SLC44A5: variants seen among roughly 807,000 people sequenced by gnomAD.
SLC44A5 encodes the protein choline transporter-like protein 5.
Under a neutral mutation model 101.8 loss-of-function variants are expected in SLC44A5, and 57 were observed. The observed-to-expected ratio is 0.56, with a 90% CI of 0.45 to 0.70. The LOEUF is 0.70. Ranked by LOEUF, SLC44A5 falls within the 30% of genes least tolerant of loss-of-function variation. The pLI is 0.00. For missense variants in SLC44A5, 737 were observed against 853.1 expected, an observed-to-expected ratio of 0.86 and a Z score of 1.70; for synonymous variants, 281 against 290.9, an observed-to-expected ratio of 0.97 and a Z score of 0.35.
intron 3 of SLC44A5, 36 bp from the exon 4 acceptor site, chr1:75,339,666 C>A: frequency 6.5e-7 from 1 of 1,548,422 alleles, no homozygotes; most frequent in South Asian, 1.2e-5. Context: ...AGCATATAAG[C>A]CAGCAAATAA....
At chr1:75,599,765 G>T (rs1421922156) in intron 1 of SLC44A5, among the ~76,000 whole-genome samples, 2 of 152,156 alleles carry the variant, frequency 1.3e-5, no homozygotes, top group African/African-American at 2.4e-5. Flanking sequence ...AAGCATAAAA[G>T]AATGTGTATG....
At chr1:75,207,746 T>C (rs1013576469) in intron 23 of SLC44A5, among the ~76,000 whole-genome samples, 1 of 152,226 alleles carries the variant, frequency 6.6e-6, no homozygotes, top group East Asian at 1.9e-4. Context: ...TCACTTTCTG[T>C]GGTTTTAGTT....
chr1:75,353,420 A>G (rs1399574137), intron 3 of SLC44A5, among the ~76,000 whole-genome samples: 1 of 152,126 alleles, frequency 6.6e-6, no homozygotes, highest in Admixed American at 6.6e-5. Context: ...CCCTACTCGA[A>G]TTTAAGAGAG....
At chr1:75,257,800 C>T (rs75918990) in intron 6 of SLC44A5, among the ~76,000 whole-genome samples, 8,749 of 152,114 alleles carry the variant, frequency 0.058, 293 homozygotes, top group Middle Eastern at 0.13. Context: ...CAGCTCCCAG[C>T]GAGAACTACT....
intron 1 of SLC44A5, among the ~76,000 whole-genome samples, chr1:75,545,775 T>C (rs1186076769): frequency 1.3e-5 from 2 of 152,158 alleles, no homozygotes; most frequent in South Asian, 4.1e-4. Context: ...CTTCTACCTT[T>C]ACTATTTCTT....
chr1:75,262,823 C>T (rs377563405), intron 6 of SLC44A5, among the ~76,000 whole-genome samples: 11 of 152,014 alleles, frequency 7.2e-5, no homozygotes, highest in East Asian at 1.9e-4. Flanking sequence ...TCAGAAATAA[C>T]GTCACATATC....
intron 2 of SLC44A5, among the ~76,000 whole-genome samples, chr1:75,530,197 A>G (rs1570538504): frequency 6.6e-6 from 1 of 152,276 alleles, no homozygotes; most frequent in East Asian, 1.9e-4. Context: ...TTATTAACAG[A>G]AAAGGGAAAA....
At chr1:75,251,392 G>A (rs747434186) in intron 6 of SLC44A5, 98 bp from the exon 7 acceptor site, 5 of 949,956 alleles carry the variant, frequency 5.3e-6, no homozygotes, top group Non-Finnish European at 6.3e-6. Context: ...TTAAAAATTG[G>A]TTTCATTATC....
chr1:75,388,304 A>G (rs1472052570), intron 3 of SLC44A5, among the ~76,000 whole-genome samples: 1 of 151,994 alleles, frequency 6.6e-6, no homozygotes, highest in African/African-American at 2.4e-5. Flanking sequence ...TATAAGAGAC[A>G]CTTAAAGGAG....
At chr1:75,691,071 C>G in the SLC44A5 span, among the ~76,000 whole-genome samples, 6 of 152,220 alleles carry the variant, frequency 3.9e-5, no homozygotes, top group Admixed American at 1.3e-4. Context: ...TGCACCCCCC[C>G]CTTTCTTGAG....
At chr1:75,481,283 C>T (rs987804384) in intron 2 of SLC44A5, among the ~76,000 whole-genome samples, 1 of 152,164 alleles carries the variant, frequency 6.6e-6, no homozygotes, top group East Asian at 1.9e-4. Context: ...AAATGTTAGA[C>T]CTAAAACCAT....
At chr1:75,618,003 T>A in the SLC44A5 span, among the ~76,000 whole-genome samples, 1 of 152,180 alleles carries the variant, frequency 6.6e-6, no homozygotes, top group Non-Finnish European at 1.5e-5. Context: ...GACGGTGAAA[T>A]GGGATTCGTG....
rs1553199991 is a variant in SLC44A5, at chr1:75,537,034, A to ATATATATATATG, written c.13+4400_13+4401insCATATATATATA. Among the ~76,000 whole-genome samples the ATATATATATATG allele has an allele frequency of 4.8e-3, 89 of 18,634 alleles. 2 individuals carry two copies. The highest frequency in any genetic ancestry group is 9.0e-3 in the African/African-American group (87 of 9,688). 12.2% of individuals were successfully genotyped at this position (18,634 alleles called of 152,430 possible). A position where few individuals can be genotyped will look rare whatever the true frequency, so the allele number is the denominator to read the frequency against. ...AAAAAAAAAAAAAAAAAAAAAAAAA[A>ATATATATATATG]TATATATCTATGCCAAATGATTCTG... On this transcript the variant is annotated intron_variant, in intron 2 of 23. Transcript: ENST00000370859.
chr1:75,469,780 G>C (rs1667005353), intron 2 of SLC44A5, among the ~76,000 whole-genome samples: 1 of 151,624 alleles, frequency 6.6e-6, no homozygotes. Context: ...TATGCCTGTA[G>C]TCCTAGCTAC....
At chr1:75,476,551 T>C (rs1248773983) in intron 2 of SLC44A5, among the ~76,000 whole-genome samples, 1 of 152,216 alleles carries the variant, frequency 6.6e-6, no homozygotes, top group Non-Finnish European at 1.5e-5. Context: ...CCCACCTGAA[T>C]ACTGCGCTTT....
In SLC44A5 at chr1:75,351,958, T is replaced by C. The variant is rs375504458; in HGVS notation, c.53-12328A>G. ...GAGAGGGATAACATTGAATTACTAA[T>C]ATCTAGAATATGTAAAAAATCCCCC... On this transcript the variant is annotated intron_variant, in intron 3 of 23. Transcript: ENST00000370859. 1.0e-3 allele frequency among the ~76,000 whole-genome samples: 154 copies of C among 150,766 alleles called. 3 individuals carry two copies. The South Asian group carries it at 0.032, about 31-fold the overall frequency.
intron 2 of SLC44A5, among the ~76,000 whole-genome samples, chr1:75,404,891 C>T (rs998035662): frequency 2.0e-5 from 3 of 152,208 alleles, no homozygotes; most frequent in African/African-American, 7.2e-5. Flanking sequence ...AATTTAAAGA[C>T]ACAGACTGGC....
At chr1:75,697,952 A>G in the SLC44A5 span, among the ~76,000 whole-genome samples, 1 of 152,212 alleles carries the variant, frequency 6.6e-6, no homozygotes, top group Non-Finnish European at 1.5e-5. Flanking sequence ...AACGGGCTTA[A>G]AAAACCATGC....
intron 1 of SLC44A5, among the ~76,000 whole-genome samples, chr1:75,551,927 C>T (rs1671958439): frequency 6.6e-6 from 1 of 152,048 alleles, no homozygotes; most frequent in African/African-American, 2.4e-5. Context: ...CTGAAATGAT[C>T]CTACACTTTT....
Sources: gnomAD v4.1 joint callset for allele counts (sites outside exome capture counted in the v4.1 genomes callset) on GRCh38, gnomAD v4.1.1 for gene constraint, MANE v1.5 for transcripts, NCBI Gene and HGNC (gene_info 2026-07-23, HGNC 2026-07-21) for gene names.